The following RXRG variants were observed in gnomAD, a reference collection of about 807,000 sequenced individuals.
The protein encoded by RXRG is retinoic acid receptor RXR-gamma.
RXRG carries 19 observed loss-of-function variants against 49.2 expected under a neutral mutation model. The observed-to-expected ratio is 0.39, with a 90% CI of 0.27 to 0.57. The LOEUF (loss-of-function observed/expected upper bound fraction) is 0.57. RXRG is among the 20% of genes least tolerant of loss of function. The pLI is 0.64. For synonymous variants in RXRG, 224 were observed against 216.6 expected (o/e 1.03, Z -0.30); for missense variants, 452 against 592.5 (o/e 0.76, Z 2.46).
Position 165,408,322 on chromosome 1 carries a change from T to C in RXRG, c.1047-4A>G. On this transcript the variant is annotated splice_polypyrimidine_tract_variant and splice_region_variant and intron_variant, in intron 7 of 9. Coordinates refer to ENST00000359842, the MANE Select transcript of RXRG (RefSeq NM_006917.5). ...GGAAACCAGCTCAGTTAGGACTCTG[T>C]TAACAGGAAACAAGCAGGTAATGAG... is the stretch of plus-strand genomic sequence containing the variant. 2 of 1,600,894 alleles carry C rather than the reference T, an allele frequency of 1.2e-6. No homozygotes were observed. The highest frequency in any genetic ancestry group is 2.2e-5 in the East Asian group (1 of 44,834).
rs1571273321 is a variant in RXRG, at chr1:165,416,963, G to A, written c.622+78C>T. 2.3e-5 allele frequency: 31 copies of A among 1,376,540 alleles called. No individual in the cohort carries two copies. The East Asian group carries it at 3.7e-4, about 17-fold the overall frequency. 85.3% of individuals were successfully genotyped at this position (1,376,540 alleles called of 1,614,324 possible). On this transcript the variant is annotated intron_variant, in intron 4 of 9. Transcript: ENST00000359842. ...ATGACTTTGGGCACCATGACTTCTCGTGTATTGCAGTTGAATGTCCCCTTG... is the reference window on the plus strand; with the variant it reads ...ATGACTTTGGGCACCATGACTTCTCATGTATTGCAGTTGAATGTCCCCTTG...
At chr1:165,402,664 TC>T (rs761605474) in intron 9 of RXRG, among the ~76,000 whole-genome samples, 6 of 151,626 alleles carry the variant, frequency 4.0e-5, no homozygotes, top group Non-Finnish European at 8.8e-5. Context: ...ACACACACCC[TC>T]ACACATACAC....
chr1:165,424,858 G>C (rs1658433487), intron 2 of RXRG: 1 of 985,390 alleles, frequency 1.0e-6, no homozygotes, highest in African/African-American at 1.7e-5. Flanking sequence ...AGACGATCCA[G>C]AGTCCAGCTC....
intron 8 of RXRG, 137 bp from the exon 9 acceptor site, chr1:165,407,054 T>C: frequency 1.6e-6 from 1 of 606,410 alleles, no homozygotes; most frequent in Non-Finnish European, 2.9e-6. Context: ...AAGCTGGTCA[T>C]TCATGCCCCC....
Position 165,414,819 on chromosome 1 carries a change from G to A in RXRG, c.622+2222C>T, listed in dbSNP as rs554863134. 6.6e-5 allele frequency among the ~76,000 whole-genome samples: 10 copies of A among 152,312 alleles called. No individual in the cohort carries two copies. The East Asian group carries it at 7.7e-4, about 12-fold the overall frequency. ...ATCCCACTGCCACAGCAAGTATGAC[G>A]TAAGCACAGAGTAGGCACTCAGCTA... is the stretch of plus-strand genomic sequence containing the variant. On this transcript the variant is annotated intron_variant, in intron 4 of 9. Transcript: ENST00000359842.
Position 165,401,143 on chromosome 1 carries a change from GCAT to G in RXRG, c.*117_*119del. 1 of 860,582 alleles carries G rather than the reference GCAT, an allele frequency of 1.2e-6. No individual in the cohort carries two copies. The highest frequency in any genetic ancestry group is 1.6e-5 in the South Asian group (1 of 60,704). 53.3% of individuals were successfully genotyped at this position (860,582 alleles called of 1,614,324 possible). A position where few individuals can be genotyped will look rare whatever the true frequency, so the allele number is the denominator to read the frequency against. On this transcript the variant is annotated 3_prime_UTR_variant, in exon 10 of 10. Transcript: ENST00000359842. ...TGTAGAAAGGTTTTCTTTATTATAA[GCAT>G]CACATTTTGGGGACAGGAAGGGGGT...
intron 4 of RXRG, among the ~76,000 whole-genome samples, chr1:165,416,647 T>C (rs1658135507): frequency 6.6e-6 from 1 of 152,064 alleles, no homozygotes. Context: ...TGACGATCCA[T>C]TGGTAGAGCA....
chr1:165,411,811 A>AC (rs1657959636), intron 4 of RXRG, among the ~76,000 whole-genome samples: 1 of 151,908 alleles, frequency 6.6e-6, no homozygotes, highest in Non-Finnish European at 1.5e-5. Context: ...AACTCTCAGA[A>AC]CCCTCCATGT....
intron 7 of RXRG, 31 bp downstream of exon 7, chr1:165,409,527 C>A: frequency 7.0e-7 from 1 of 1,432,678 alleles, no homozygotes; most frequent in East Asian, 2.6e-5. Flanking sequence ...ACACATAATA[C>A]ACACAAATAC....
At chr1:165,427,731 C>G (rs59149379) in intron 2 of RXRG, among the ~76,000 whole-genome samples, 1 of 152,182 alleles carries the variant, frequency 6.6e-6, no homozygotes, top group African/African-American at 2.4e-5. Context: ...CATGAGCCAC[C>G]GTGCCCGGCC....
chr1:165,411,734 G>A (rs1434509969), intron 4 of RXRG, among the ~76,000 whole-genome samples: 1 of 152,136 alleles, frequency 6.6e-6, no homozygotes. Flanking sequence ...AGGGTACATA[G>A]GCAAAGGTGT....
chr1:165,416,738 G>C (rs561895297), intron 4 of RXRG, among the ~76,000 whole-genome samples: 93 of 152,292 alleles, frequency 6.1e-4, no homozygotes, highest in African/African-American at 1.9e-3. Flanking sequence ...CCAGTTTGGG[G>C]ATCACCATCT....
chr1:165,438,898 T>C (rs562165119), intron 1 of RXRG, among the ~76,000 whole-genome samples: 1 of 152,180 alleles, frequency 6.6e-6, no homozygotes, highest in Non-Finnish European at 1.5e-5. Context: ...GTAGAAATGT[T>C]AAGCCTATTT....
chr1:165,409,319 G>A (rs1478891245), intron 7 of RXRG, among the ~76,000 whole-genome samples: 1 of 152,122 alleles, frequency 6.6e-6, no homozygotes, highest in East Asian at 1.9e-4. Context: ...CCATCTTATT[G>A]TGATCTCAAT....
intron 4 of RXRG, 54 bp from the exon 5 acceptor site, chr1:165,411,163 G>GTAAT: frequency 6.4e-7 from 1 of 1,566,450 alleles, no homozygotes. Flanking sequence ...ACAACAGTGG[G>GTAAT]AAAGTTTATT....
intron 4 of RXRG, 35 bp from the exon 5 acceptor site, chr1:165,411,144 A>G: frequency 1.2e-6 from 2 of 1,605,252 alleles, no homozygotes; most frequent in Non-Finnish European, 1.7e-6. Flanking sequence ...GGTTACCATA[A>G]TGCCCAGGAC....
chr1:165,423,499 G>A (rs1372820413), intron 2 of RXRG, among the ~76,000 whole-genome samples: 2 of 152,144 alleles, frequency 1.3e-5, no homozygotes, highest in Non-Finnish European at 2.9e-5. Flanking sequence ...TTCCACCAAA[G>A]GTTAGGCTGC....
chr1:165,416,884 A>G (rs997157093), intron 4 of RXRG, among the ~76,000 whole-genome samples, 157 bp downstream of exon 4: 21 of 152,180 alleles, frequency 1.4e-4, no homozygotes, highest in African/African-American at 4.1e-4. Flanking sequence ...CTAATTTCCT[A>G]TTCAGACTTC....
chr1:165,442,543 A>G (rs1187722279), intron 1 of RXRG, among the ~76,000 whole-genome samples: 5 of 152,202 alleles, frequency 3.3e-5, no homozygotes, highest in Non-Finnish European at 7.4e-5. Flanking sequence ...GCTAAATATC[A>G]GAGCCCCCAC....
Sources: gnomAD v4.1 joint callset for allele counts (sites outside exome capture counted in the v4.1 genomes callset) on GRCh38, gnomAD v4.1.1 for gene constraint, MANE v1.5 for transcripts, NCBI Gene and HGNC (gene_info 2026-07-23, HGNC 2026-07-21) for gene names.